Variants in TAF1 observed in about 807,000 individuals in gnomAD.
TAF1 encodes the protein transcription initiation factor TFIID subunit 1.
In TAF1, 2 loss-of-function variants were observed where a neutral mutation model predicts 138.5. The ratio of observed to expected loss-of-function variants is 0.01; its 90% CI spans 0.01 to 0.05. TAF1 has a LOEUF of 0.05. TAF1 is among the 10% of genes least tolerant of loss of function. TAF1 has a pLI of 1.00. For missense variants in TAF1, 709 were observed against 1,478.0 expected, an observed-to-expected ratio of 0.48 and a Z score of 8.53; for synonymous variants, 437 against 503.2, an observed-to-expected ratio of 0.87 and a Z score of 1.76.
intron 13 of TAF1, among the ~76,000 whole-genome samples, chrX:71,516,223 A>G (rs1602101498): frequency 9.6e-6 from 1 of 104,422 alleles, no homozygotes; most frequent in African/African-American, 3.5e-5. Flanking sequence ...CACAATGCTC[A>G]GCTGATTTTT....
At position 71,407,648 on chromosome X, in the gene TAF1, C is replaced by T. The variant is rs1377719012; in HGVS notation, c.4182C>T (p.Ile1394=). The T allele has an allele frequency of 1.7e-6, 2 of 1,209,158 alleles. No homozygotes were observed. Among genetic ancestry groups the T allele is most frequent in the Non-Finnish European group, 2.2e-6 (2 of 894,468 alleles). ...VTLSSILESI[I]NDMRDLPNTY... is the part of the protein sequence containing the mutation. ...TGTCGTCCATCTTGGAGTCTATCAT[C>T]AATGACATGAGAGATCTTCCAAATG... Residue 1394 remains isoleucine (I), a synonymous_variant, in exon 27 of 38, where the codon ATC becomes ATT. Transcript: ENST00000423759.
In TAF1 at chrX:71,378,316, G is replaced by A; in HGVS notation, c.1015G>A (p.Val339Met). The change falls in exon 7 of 38, where the codon GTG (valine) becomes ATG (methionine). Residue 339 changes from valine (V) to methionine (M), a missense_variant. This residue lies in a region of TAF1 where 201 missense variants were observed against 421.3 expected (regional missense o/e 0.48). Transcript: ENST00000423759. ...TAAAGTGACAGATACCAAACCAAGAGTGGCTGAGTGGCGTTATGGGCCTGC... is the reference window on the plus strand; with the variant it reads ...TAAAGTGACAGATACCAAACCAAGAATGGCTGAGTGGCGTTATGGGCCTGC... ...IDKVTDTKPR[V>M]AEWRYGPARL... is the part of the protein sequence containing the mutation. The A allele has an allele frequency of 1.7e-6, 2 of 1,211,828 alleles. No individual in the cohort carries two copies. The highest frequency in any genetic ancestry group is 1.1e-6 in the Non-Finnish European group (1 of 895,556).
At chrX:71,525,947 G>A (rs2039992320) in intron 13 of TAF1, among the ~76,000 whole-genome samples, 1 of 109,900 alleles carries the variant, frequency 9.1e-6, no homozygotes, top group Non-Finnish European at 1.9e-5. Flanking sequence ...TTACAGGTGT[G>A]AGCCACTGTG....
At chrX:71,462,902 A>G (rs1211388711) in intron 37 of TAF1, among the ~76,000 whole-genome samples, 1 of 112,133 alleles carries the variant, frequency 8.9e-6, no homozygotes, top group Non-Finnish European at 1.9e-5. Context: ...TTGTGTAAGG[A>G]TGTTTTATGA....
intron 4 of TAF1, 44 bp from the exon 5 acceptor site, chrX:71,376,906 T>C (rs775236442): frequency 1.9e-5 from 23 of 1,197,589 alleles, no homozygotes; most frequent in South Asian, 5.5e-5. Context: ...CGAGGAAATA[T>C]GTTCACAGTT....
rs41443746 is a variant in TAF1 at position 71,452,109 on chromosome X, A to ACC, written c.4754-2051_4754-2050dup. On this transcript the variant is annotated intron_variant, in intron 32 of 37. Coordinates refer to ENST00000423759, the MANE Select transcript of TAF1 (RefSeq NM_004606.5). ...GGGCGGCTGGCCGGGCGGGGGGCTGACCCCCCCCCCCACCTCCCTCCCAGA... is the reference window on the plus strand; with the variant it reads ...GGGCGGCTGGCCGGGCGGGGGGCTGACCCCCCCCCCCCCACCTCCCTCCCAGA... Among the ~76,000 whole-genome samples, 106 of 50,598 alleles carry ACC rather than the reference A, an allele frequency of 2.1e-3. 1 individual carries two copies. The highest frequency in any genetic ancestry group is 3.5e-3 in the Non-Finnish European group (85 of 24,489). The allele number at this position is 50,598 out of a possible 115,157, so 43.9% of individuals were successfully genotyped here. A position where few individuals can be genotyped will look rare whatever the true frequency, so the allele number is the denominator to read the frequency against.
chrX:71,426,784 T>C (rs2036614878), intron 32 of TAF1, among the ~76,000 whole-genome samples: 1 of 111,149 alleles, frequency 9.0e-6, no homozygotes, highest in African/African-American at 3.3e-5. Flanking sequence ...AATAACTGTT[T>C]TGAGAGGCAG....
chrX:71,500,641 T>G (rs1045805181), intron 13 of TAF1, among the ~76,000 whole-genome samples: 1 of 107,664 alleles, frequency 9.3e-6, no homozygotes, highest in African/African-American at 3.4e-5. Flanking sequence ...AGTTTTCCTC[T>G]TAGACCACAA....
chrX:71,451,683 G>C (rs1391143027), intron 32 of TAF1, among the ~76,000 whole-genome samples: 9 of 109,636 alleles, frequency 8.2e-5, no homozygotes, highest in Non-Finnish European at 1.7e-4. Flanking sequence ...TGACTCTTAA[G>C]GAGCATGCTG....
At chrX:71,516,108 C>T (rs573953699) in intron 13 of TAF1, among the ~76,000 whole-genome samples, 179 of 109,717 alleles carry the variant, frequency 1.6e-3, no homozygotes, top group South Asian at 5.9e-3. Context: ...GTCATCCAGG[C>T]GGAAGTGCAA....
At chrX:71,476,718 G>C (rs762888703) in intron 13 of TAF1, among the ~76,000 whole-genome samples, 3 of 110,328 alleles carry the variant, frequency 2.7e-5, no homozygotes, top group Non-Finnish European at 5.7e-5. Context: ...CACAGGAATA[G>C]GCAAATGTAG....
intron 13 of TAF1, among the ~76,000 whole-genome samples, chrX:71,471,443 T>C (rs1416204680): frequency 1.9e-5 from 2 of 106,493 alleles, no homozygotes; most frequent in Admixed American, 1.0e-4. Flanking sequence ...TGTTTCTACA[T>C]AGTTTATGAA....
intron 32 of TAF1, chrX:71,441,857 C>T (rs1436122766): frequency 2.5e-5 from 4 of 159,806 alleles, no homozygotes; most frequent in Non-Finnish European, 4.6e-5. Context: ...GTGATGTTCC[C>T]CACCTTGTGT....
chrX:71,431,856 C>T (rs950251570), intron 32 of TAF1, among the ~76,000 whole-genome samples: 2 of 104,318 alleles, frequency 1.9e-5, no homozygotes, highest in African/African-American at 7.1e-5. Context: ...GTGGAGGTTG[C>T]AGTGAGCCGA....
rs780967244 is a variant in TAF1 at position 71,421,352 on chromosome X, T to C, written c.4428T>C (p.Asp1476=). The change falls in exon 29 of 38, where the codon GAT becomes GAC. Residue 1476 remains aspartate (D), a synonymous_variant. Coordinates refer to ENST00000423759, the MANE Select transcript of TAF1 (RefSeq NM_004606.5). ...SLTQISQSML[D]LCDEKLKEKE... is the part of the protein sequence containing the mutation. Reference sequence around the variant, plus strand: ...CTCAGATCTCTCAATCCATGCTGGATCTCTGTGATGAAAAACTCAAAGAGG... The same window carrying C: ...CTCAGATCTCTCAATCCATGCTGGACCTCTGTGATGAAAAACTCAAAGAGG... 88 of 1,203,592 alleles carry C rather than the reference T, an allele frequency of 7.3e-5. 1 individual carries two copies. The South Asian group carries it at 1.5e-3, about 21-fold the overall frequency.
At chrX:71,441,458 ATTC>A (rs1353989251) in intron 32 of TAF1, among the ~76,000 whole-genome samples, 1 of 111,083 alleles carries the variant, frequency 9.0e-6, no homozygotes, top group Non-Finnish European at 1.9e-5. Flanking sequence ...AATTGTACAT[ATTC>A]TTGAGGGCAC....
At chrX:71,444,299 C>T (rs1449581843) in intron 32 of TAF1, among the ~76,000 whole-genome samples, 1 of 112,258 alleles carries the variant, frequency 8.9e-6, no homozygotes, top group Non-Finnish European at 1.9e-5. Context: ...TGAGCCACCT[C>T]GCTCGGCCTG....
intron 13 of TAF1, among the ~76,000 whole-genome samples, chrX:71,509,190 T>G (rs997420821): frequency 8.9e-6 from 1 of 111,847 alleles, no homozygotes; most frequent in African/African-American, 3.3e-5. Context: ...AACAGGCTTA[T>G]GTTTTAGGTA....
intron 13 of TAF1, among the ~76,000 whole-genome samples, chrX:71,518,692 CTT>C (rs41486346): frequency 3.8e-5 from 3 of 79,199 alleles, no homozygotes; most frequent in African/African-American, 1.4e-4. Context: ...TCTTTTCTTT[CTT>C]TTTTTTTTTT....
Sources: allele counts gnomAD v4.1 joint callset (sites outside exome capture counted in the v4.1 genomes callset), GRCh38; gene constraint gnomAD v4.1.1; regional missense constraint gnomAD v4.1.1; transcripts MANE v1.5; gene names NCBI Gene and HGNC (gene_info 2026-07-23, HGNC 2026-07-21).